Variants in ZRANB3 observed in about 807,000 individuals in gnomAD.
ZRANB3 encodes zinc finger RANBP2-type containing 3.
ZRANB3 carries 125 observed loss-of-function variants against 133.8 expected under a neutral mutation model. That is an observed-to-expected ratio of 0.93 (90% CI 0.81 to 1.08). The LOEUF (loss-of-function observed/expected upper bound fraction) is 1.08, where lower values mean the gene tolerates loss of function less well. ZRANB3 is among the 50% of genes least tolerant of loss of function. The pLI, the probability that ZRANB3 is intolerant of heterozygous loss-of-function variation, is 0.00. For missense variants in ZRANB3, 1,229 were observed against 1,275.5 expected, an observed-to-expected ratio of 0.96 and a Z score of 0.56; for synonymous variants, 387 against 432.7, an observed-to-expected ratio of 0.89 and a Z score of 1.31.
rs755133674 is a variant in ZRANB3 at position 135,265,656 on chromosome 2, T to C, written c.1417A>G (p.Arg473Gly). ...TCCTCAGCCTGAATTTTTTCTTTCC[T>C]ACCGTTCAGTGTGCTCCCTGTAACT... ...AQVTGSTLNG[R>G]KEKIQAEEGD... The change falls in exon 12 of 21, where the codon AGG becomes GGG. Residue 473 changes from arginine to glycine, a missense_variant. By Grantham distance (125) the Arg-to-Gly change is moderately radical. Transcript: ENST00000264159. 3 of 1,613,624 alleles carry C rather than the reference T, an allele frequency of 1.9e-6. No individual in the cohort carries two copies. Among genetic ancestry groups the C allele is most frequent in the Non-Finnish European group, 2.5e-6 (3 of 1,179,782 alleles).
At chr2:135,358,168 C>T (rs1685517952) in intron 3 of ZRANB3, among the ~76,000 whole-genome samples, 1 of 152,160 alleles carries the variant, frequency 6.6e-6, no homozygotes, top group African/African-American at 2.4e-5. Context: ...TTTATCCTTC[C>T]CAACTCTATA....
At chr2:135,494,138 G>A (rs1692545898) in intron 2 of ZRANB3, among the ~76,000 whole-genome samples, 1 of 79,944 alleles carries the variant, frequency 1.3e-5, no homozygotes, top group Non-Finnish European at 2.1e-5. Flanking sequence ...GGGAGAGAGG[G>A]AAGGAAGGAA....
intron 2 of ZRANB3, among the ~76,000 whole-genome samples, chr2:135,415,879 C>T (rs928348853): frequency 1.3e-5 from 2 of 152,040 alleles, no homozygotes; most frequent in Non-Finnish European, 2.9e-5. Context: ...TTAATAGATG[C>T]AGAAAAGGCC....
rs1694961285 is a variant in ZRANB3 at position 135,230,619 on chromosome 2, G to A, written c.1848C>T (p.Thr616=). The A allele has an allele frequency of 6.2e-7, 1 of 1,613,292 alleles. No homozygotes were observed. The highest frequency in any genetic ancestry group is 1.1e-5 in the South Asian group (1 of 90,846). ...ESVQEAKAQL[T]TPAFPVEGWQ... ...AGCCCTCTACAGGAAAGGCTGGGGTGGTTAACTGGGCCTTGGCCTCCTGTA... is the reference window on the plus strand; with the variant it reads ...AGCCCTCTACAGGAAAGGCTGGGGTAGTTAACTGGGCCTTGGCCTCCTGTA... Residue 616 remains threonine, a synonymous_variant, in exon 13 of 21, where the codon ACC becomes ACT. Transcript: ENST00000264159.
intron 2 of ZRANB3, among the ~76,000 whole-genome samples, chr2:135,465,560 T>C (rs2105020866): frequency 6.6e-6 from 1 of 152,316 alleles, no homozygotes; most frequent in East Asian, 1.9e-4. Context: ...TGAAAATTGA[T>C]TCAATCCACA....
intron 2 of ZRANB3, among the ~76,000 whole-genome samples, chr2:135,415,248 G>T (rs1688509426): frequency 6.6e-6 from 1 of 151,150 alleles, no homozygotes; most frequent in Non-Finnish European, 1.5e-5. Flanking sequence ...GAATCAAATA[G>T]ACGCAATAAA....
chr2:135,445,990 A>G (rs1213465398), intron 2 of ZRANB3, among the ~76,000 whole-genome samples: 1 of 149,848 alleles, frequency 6.7e-6, no homozygotes, highest in Admixed American at 6.6e-5. Context: ...GGATCACATG[A>G]GGTCAGGAGT....
intron 3 of ZRANB3, among the ~76,000 whole-genome samples, chr2:135,369,282 A>G (rs1227789127): frequency 1.3e-5 from 2 of 152,130 alleles, no homozygotes; most frequent in African/African-American, 4.8e-5. Context: ...CTCTAGAAAT[A>G]TCTCATTTCC....
chr2:135,223,985 T>C (rs1426634466), intron 15 of ZRANB3, among the ~76,000 whole-genome samples: 1 of 152,256 alleles, frequency 6.6e-6, no homozygotes, highest in African/African-American at 2.4e-5. Flanking sequence ...TTTATCTTTA[T>C]AACAAATCCT....
chr2:135,358,398 T>C (rs1685527666), intron 3 of ZRANB3, among the ~76,000 whole-genome samples: 1 of 152,216 alleles, frequency 6.6e-6, no homozygotes, highest in Admixed American at 6.5e-5. Flanking sequence ...TTGACTTATG[T>C]TGCTTAAGGC....
chr2:135,484,070 G>A (rs1485386019), intron 2 of ZRANB3, among the ~76,000 whole-genome samples: 1 of 152,070 alleles, frequency 6.6e-6, no homozygotes, highest in East Asian at 1.9e-4. Context: ...GTGTGGTGCT[G>A]AAAAAAATGT....
chr2:135,483,021 A>T (rs371272144), intron 2 of ZRANB3, among the ~76,000 whole-genome samples: 1 of 152,188 alleles, frequency 6.6e-6, no homozygotes, highest in African/African-American at 2.4e-5. Context: ...CGGTTTGCCA[A>T]TATTTTATTG....
intron 2 of ZRANB3, among the ~76,000 whole-genome samples, chr2:135,397,917 T>C (rs1687566024): frequency 6.6e-6 from 1 of 152,178 alleles, no homozygotes; most frequent in Non-Finnish European, 1.5e-5. Context: ...TTAGGGTCAT[T>C]GTCTGCATAT....
At chr2:135,408,860 G>A (rs1288510725) in intron 2 of ZRANB3, among the ~76,000 whole-genome samples, 1 of 152,036 alleles carries the variant, frequency 6.6e-6, no homozygotes, top group East Asian at 1.9e-4. Context: ...AGCATTTGGA[G>A]ATATATCTAA....
At chr2:135,404,886 C>T (rs567873986) in intron 2 of ZRANB3, among the ~76,000 whole-genome samples, 112 of 152,262 alleles carry the variant, frequency 7.4e-4, no homozygotes, top group African/African-American at 2.5e-3. Flanking sequence ...TAAAGACCAT[C>T]GAGGCTAGGA....
At chr2:135,522,397 G>A (rs1693985183) in intron 1 of ZRANB3, among the ~76,000 whole-genome samples, 1 of 152,128 alleles carries the variant, frequency 6.6e-6, no homozygotes, top group South Asian at 2.1e-4. Flanking sequence ...CTCTTATTCT[G>A]TCTCTTTCTA....
intron 2 of ZRANB3, among the ~76,000 whole-genome samples, chr2:135,482,572 T>C (rs1237957756): frequency 2.0e-5 from 3 of 151,864 alleles, no homozygotes; most frequent in South Asian, 2.1e-4. Flanking sequence ...ACAGGGACAA[T>C]TTGACTTCCT....
intron 7 of ZRANB3, 39 bp downstream of exon 7, chr2:135,315,320 T>G (rs764679391): frequency 2.8e-6 from 4 of 1,432,474 alleles, no homozygotes; most frequent in Non-Finnish European, 3.7e-6. Flanking sequence ...AATTCAAAAT[T>G]ATTTAAAGTA....
At chr2:135,233,635 T>C (rs1275492517) in intron 12 of ZRANB3, among the ~76,000 whole-genome samples, 1 of 152,106 alleles carries the variant, frequency 6.6e-6, no homozygotes, top group Non-Finnish European at 1.5e-5. Context: ...TGGGGGCCAA[T>C]ATTCAACATT....
Sources: allele counts gnomAD v4.1 joint callset (sites outside exome capture counted in the v4.1 genomes callset), GRCh38; gene constraint gnomAD v4.1.1; transcripts MANE v1.5; gene names NCBI Gene and HGNC (gene_info 2026-07-23, HGNC 2026-07-21).